PPFIA2: variants seen among roughly 807,000 people sequenced by gnomAD.
PPFIA2 encodes PPFI scaffold protein A2.
In PPFIA2, 46 loss-of-function variants were observed where a neutral mutation model predicts 175.5. That is an observed-to-expected ratio of 0.26 (90% CI 0.21 to 0.34). The LOEUF (loss-of-function observed/expected upper bound fraction) is 0.34. Ranked by LOEUF, PPFIA2 falls within the 10% of genes least tolerant of loss-of-function variation. The pLI is 1.00. For synonymous variants in PPFIA2, 568 were observed against 511.4 expected, an observed-to-expected ratio of 1.11 and a Z score of -1.49; for missense variants, 1,179 against 1,506.1, an observed-to-expected ratio of 0.78 and a Z score of 3.60.
At chr12:81,607,360 G>C (rs1005528268) in intron 4 of PPFIA2, among the ~76,000 whole-genome samples, 8 of 152,224 alleles carry the variant, frequency 5.3e-5, no homozygotes, top group Admixed American at 3.3e-4. Context: ...TAGTTTGATA[G>C]AAGTAGTTGA....
chr12:81,386,658 A>G (rs946852852), intron 8 of PPFIA2, among the ~76,000 whole-genome samples: 2 of 152,004 alleles, frequency 1.3e-5, no homozygotes, highest in African/African-American at 4.8e-5. Flanking sequence ...AATGATAAAT[A>G]AAAGTATGCT....
intron 4 of PPFIA2, among the ~76,000 whole-genome samples, chr12:81,544,808 T>G (rs1438663136): frequency 6.6e-6 from 1 of 152,176 alleles, no homozygotes; most frequent in Non-Finnish European, 1.5e-5. Flanking sequence ...CTATACAAGC[T>G]GCTTCCAAAT....
intron 3 of PPFIA2, among the ~76,000 whole-genome samples, chr12:81,706,428 A>G (rs1235781082): frequency 1.3e-5 from 2 of 152,202 alleles, no homozygotes; most frequent in East Asian, 3.8e-4. Flanking sequence ...TACTTTTATG[A>G]AGCTATTTAT....
At position 81,321,768 on chromosome 12, in the gene PPFIA2, T is replaced by C. The variant is rs1157561575; in HGVS notation, c.2642+4009A>G. On this transcript the variant is annotated intron_variant, in intron 22 of 32. Transcript: ENST00000549396. ...AAGAGAGTTTCTATTTATTGTGCCCTAAAATACTCAAATATAGTCTCTAAG... is the reference window on the plus strand; with the variant it reads ...AAGAGAGTTTCTATTTATTGTGCCCCAAAATACTCAAATATAGTCTCTAAG... 2.0e-5 allele frequency among the ~76,000 whole-genome samples: 3 copies of C among 152,346 alleles called. No homozygotes were observed. In the East Asian group the frequency reaches 5.8e-4, roughly 29 times the overall value.
intron 17 of PPFIA2, 96 bp downstream of exon 17, chr12:81,353,023 C>T (rs868614964): frequency 7.5e-6 from 8 of 1,060,006 alleles, no homozygotes; most frequent in South Asian, 4.3e-5. Context: ...ATTAAGCTCC[C>T]AGTTAATGCT....
intron 4 of PPFIA2, among the ~76,000 whole-genome samples, chr12:81,517,423 C>A (rs2062597304): frequency 6.6e-6 from 1 of 152,124 alleles, no homozygotes; most frequent in African/African-American, 2.4e-5. Context: ...TCTTCTACAG[C>A]CTGCACCAGT....
At chr12:81,677,012 A>G (rs552182310) in intron 3 of PPFIA2, among the ~76,000 whole-genome samples, 168 bp from the exon 4 acceptor site, 5 of 152,102 alleles carry the variant, frequency 3.3e-5, no homozygotes, top group African/African-American at 1.2e-4. Flanking sequence ...GTCTACATCT[A>G]AACATCTAGA....
intron 3 of PPFIA2, among the ~76,000 whole-genome samples, chr12:81,677,394 ATTG>A (rs2072738665): frequency 6.6e-6 from 1 of 151,992 alleles, no homozygotes; most frequent in South Asian, 2.1e-4. Context: ...ACAGTAAATT[ATTG>A]TTAACAACAG....
chr12:81,422,242 G>A (rs2046409331), intron 7 of PPFIA2, among the ~76,000 whole-genome samples: 1 of 151,390 alleles, frequency 6.6e-6, no homozygotes, highest in South Asian at 2.1e-4. Context: ...ATGCCATCCT[G>A]TTACACCTCT....
Position 81,513,555 on chromosome 12 carries a change from T to C in PPFIA2, c.304-55689A>G, listed in dbSNP as rs80088318. Among the ~76,000 whole-genome samples the C allele has an allele frequency of 1.8e-4, 28 of 152,120 alleles. No individual in the cohort carries two copies. In the East Asian group the frequency reaches 5.0e-3, roughly 27 times the overall value. On this transcript the variant is annotated intron_variant, in intron 4 of 32. Transcript: ENST00000549396. The stretch of plus-strand genomic sequence containing the variant: ...TTATTTTGAAAGGATTTTAGATTTA[T>C]AGAAGAGCTATAAAGATAGTACACA...
intron 3 of PPFIA2, among the ~76,000 whole-genome samples, chr12:81,679,319 C>T (rs1008873907): frequency 5.9e-5 from 9 of 151,656 alleles, no homozygotes; most frequent in African/African-American, 2.2e-4. Flanking sequence ...ACATGTCTTT[C>T]TTTGTAGAAA....
intron 4 of PPFIA2, among the ~76,000 whole-genome samples, chr12:81,588,377 T>A (rs895039610): frequency 4.9e-4 from 75 of 152,092 alleles, no homozygotes; most frequent in African/African-American, 1.8e-3. Flanking sequence ...TCTGTGTAAG[T>A]GAATGTGTCC....
At chr12:81,315,235 T>C (rs11114822) in intron 22 of PPFIA2, among the ~76,000 whole-genome samples, 53,732 of 151,590 alleles carry the variant, frequency 0.35, 10,342 homozygotes, top group East Asian at 0.51. Context: ...GATTACTAGG[T>C]AATGCTGAAT....
rs2051260193 is a variant in PPFIA2 at position 81,312,777 on chromosome 12, T to C, written c.2642+13000A>G. ...CACAATCCCTGGCAATAGAAATGTG[T>C]AAAGTCCATTCCAGATCCATAATGT... On this transcript the variant is annotated intron_variant, in intron 22 of 32. Coordinates refer to ENST00000549396, the MANE Select transcript of PPFIA2 (RefSeq NM_003625.5). 1.3e-5 allele frequency among the ~76,000 whole-genome samples: 2 copies of C among 152,150 alleles called. 1 individual carries two copies. The highest frequency in any genetic ancestry group is 2.9e-5 in the Non-Finnish European group (2 of 68,022).
At chr12:81,387,884 C>T (rs1008245850) in intron 8 of PPFIA2, among the ~76,000 whole-genome samples, 2 of 152,092 alleles carry the variant, frequency 1.3e-5, no homozygotes, top group Non-Finnish European at 2.9e-5. Flanking sequence ...AATTCCCTCC[C>T]TCTAAGAGCA....
chr12:81,528,491 A>AG (rs914012197), intron 4 of PPFIA2, among the ~76,000 whole-genome samples: 1 of 152,124 alleles, frequency 6.6e-6, no homozygotes, highest in Non-Finnish European at 1.5e-5. Context: ...TCTAGGTATG[A>AG]GGGGAAATAA....
intron 8 of PPFIA2, among the ~76,000 whole-genome samples, chr12:81,384,927 C>A (rs1045992750): frequency 3.3e-5 from 5 of 151,996 alleles, no homozygotes; most frequent in Non-Finnish European, 5.9e-5. Flanking sequence ...GCTTAGAAAC[C>A]AGGGTTTTCT....
At chr12:81,314,271 T>A (rs994675469) in intron 22 of PPFIA2, among the ~76,000 whole-genome samples, 1 of 151,922 alleles carries the variant, frequency 6.6e-6, no homozygotes, top group Non-Finnish European at 1.5e-5. Flanking sequence ...TTCTGATTAA[T>A]TTTTCTTATT....
intron 7 of PPFIA2, among the ~76,000 whole-genome samples, chr12:81,427,886 G>A (rs1025087975): frequency 1.3e-5 from 2 of 151,918 alleles, no homozygotes; most frequent in Non-Finnish European, 2.9e-5. Flanking sequence ...AAAAGAATGA[G>A]GCACTGAGAA....
Sources: allele counts gnomAD v4.1 joint callset (sites outside exome capture counted in the v4.1 genomes callset), GRCh38; gene constraint gnomAD v4.1.1; transcripts MANE v1.5; gene names NCBI Gene and HGNC (gene_info 2026-07-23, HGNC 2026-07-21).